The following KIAA0825 variants were observed in gnomAD, a reference collection of about 807,000 sequenced individuals.
KIAA0825 encodes the protein uncharacterized protein KIAA0825.
Under a neutral mutation model 147.6 loss-of-function variants are expected in KIAA0825, and 119 were observed. The ratio of observed to expected loss-of-function variants is 0.81; its 90% CI spans 0.69 to 0.94. KIAA0825 has a LOEUF of 0.94. KIAA0825 is among the 40% of genes least tolerant of loss of function. The pLI is 0.00. For missense variants in KIAA0825, 1,381 were observed against 1,472.7 expected, an observed-to-expected ratio of 0.94 and a Z score of 1.02; for synonymous variants, 470 against 518.1, an observed-to-expected ratio of 0.91 and a Z score of 1.26.
chr5:94,240,472 G>A (rs1233902919), intron 20 of KIAA0825, among the ~76,000 whole-genome samples: 1 of 152,152 alleles, frequency 6.6e-6, no homozygotes, highest in Admixed American at 6.6e-5. Context: ...AAATGTCTGG[G>A]CTGACTTAGT....
chr5:94,359,326 T>A (rs1744736727), intron 20 of KIAA0825, among the ~76,000 whole-genome samples: 1 of 152,240 alleles, frequency 6.6e-6, no homozygotes, highest in Non-Finnish European at 1.5e-5. Flanking sequence ...GTTTATATAA[T>A]AATCCTCATG....
chr5:94,594,627 C>A, intron 1 of KIAA0825: 1 of 650,556 alleles, frequency 1.5e-6, no homozygotes, highest in Non-Finnish European at 2.9e-6. Context: ...TAGAAATATC[C>A]TTCACATAAA....
intron 20 of KIAA0825, among the ~76,000 whole-genome samples, chr5:94,254,844 G>A (rs968735079): frequency 1.4e-4 from 22 of 151,960 alleles, no homozygotes; most frequent in African/African-American, 4.6e-4. Context: ...ACAGTCTGAA[G>A]ACACAGTAAT....
chr5:94,245,857 G>A (rs1775581314), intron 20 of KIAA0825, among the ~76,000 whole-genome samples: 1 of 152,068 alleles, frequency 6.6e-6, no homozygotes, highest in Non-Finnish European at 1.5e-5. Context: ...CGAGGAGGCA[G>A]GAGATACTTT....
chr5:94,287,707 A>G (rs1463627822), intron 20 of KIAA0825, among the ~76,000 whole-genome samples: 3 of 152,188 alleles, frequency 2.0e-5, no homozygotes, highest in Non-Finnish European at 2.9e-5. Flanking sequence ...TAATAAATGA[A>G]CTTGTGAAAT....
chr5:94,220,712 T>G (rs761002260), intron 20 of KIAA0825, among the ~76,000 whole-genome samples: 24 of 152,298 alleles, frequency 1.6e-4, no homozygotes, highest in South Asian at 4.1e-4. Flanking sequence ...AATGACTATA[T>G]AGAGACAATT....
chr5:94,608,981 T>C (rs1191950698), intron 1 of KIAA0825, among the ~76,000 whole-genome samples: 2 of 152,166 alleles, frequency 1.3e-5, no homozygotes, highest in Admixed American at 1.3e-4. Flanking sequence ...TATGTATTTG[T>C]AAAAGATTTA....
chr5:94,543,140 C>T (rs904616339), intron 2 of KIAA0825, among the ~76,000 whole-genome samples: 3 of 152,174 alleles, frequency 2.0e-5, no homozygotes, highest in Non-Finnish European at 4.4e-5. Flanking sequence ...CATGACTTGG[C>T]TTGGCTTTAA....
At chr5:94,553,752 A>G (rs1776006238) in intron 2 of KIAA0825, among the ~76,000 whole-genome samples, 1 of 151,624 alleles carries the variant, frequency 6.6e-6, no homozygotes, top group Non-Finnish European at 1.5e-5. Flanking sequence ...AGCAACAAGA[A>G]GGAGACTGTT....
At chr5:94,191,036 C>T (rs1433768073) in intron 20 of KIAA0825, among the ~76,000 whole-genome samples, 2 of 152,036 alleles carry the variant, frequency 1.3e-5, no homozygotes, top group African/African-American at 4.8e-5. Context: ...TGAAAGTACT[C>T]ATTTTTGCTT....
At chr5:94,582,253 C>T (rs1291087582) in intron 2 of KIAA0825, among the ~76,000 whole-genome samples, 180 bp downstream of exon 2, 4 of 152,124 alleles carry the variant, frequency 2.6e-5, no homozygotes, top group African/African-American at 7.2e-5. Context: ...ATTGTGCTTT[C>T]CCTAACATTG....
At chr5:94,512,056 A>C (rs1045261905) in intron 5 of KIAA0825, among the ~76,000 whole-genome samples, 5 of 152,070 alleles carry the variant, frequency 3.3e-5, no homozygotes, top group Non-Finnish European at 7.4e-5. Flanking sequence ...GATGGTAGAA[A>C]ATTTTCATAC....
chr5:94,426,195 C>T (rs1754859167), intron 14 of KIAA0825, among the ~76,000 whole-genome samples: 1 of 151,784 alleles, frequency 6.6e-6, no homozygotes, highest in Non-Finnish European at 1.5e-5. Flanking sequence ...AATCAGCAAT[C>T]CCACTACTAG....
At chr5:94,460,639 A>T (rs1389691889) in intron 12 of KIAA0825, among the ~76,000 whole-genome samples, 1 of 152,094 alleles carries the variant, frequency 6.6e-6, no homozygotes, top group African/African-American at 2.4e-5. Flanking sequence ...AATTTTTTTA[A>T]TATGCTAATA....
intron 3 of KIAA0825, among the ~76,000 whole-genome samples, chr5:94,532,434 C>A (rs1282322952): frequency 6.6e-6 from 1 of 152,090 alleles, no homozygotes; most frequent in Non-Finnish European, 1.5e-5. Flanking sequence ...CGATTATAGG[C>A]ATGAGCCCCC....
rs137940725 is a variant in KIAA0825 at position 94,513,184 on chromosome 5, A to T, written c.970+7064T>A. On this transcript the variant is annotated intron_variant, in intron 5 of 20. Transcript: ENST00000682413. ...ATTTTCATTTGGATCTTAAAATGTT[A>T]CTTATATTTTTAAATAGATAATTTA... is the stretch of plus-strand genomic sequence containing the variant. Among the ~76,000 whole-genome samples, 796 of 152,234 alleles carry T rather than the reference A, an allele frequency of 5.2e-3. 4 individuals are homozygous for T. Among genetic ancestry groups the T allele is most frequent in the African/African-American group, 0.018 (767 of 41,568 alleles).
At position 94,473,531 on chromosome 5, in the gene KIAA0825, A is replaced by G; in HGVS notation, c.1228-12T>C. 6.7e-7 allele frequency: 1 copy of G among 1,485,292 alleles called. No individual in the cohort carries two copies. Among genetic ancestry groups the G allele is most frequent in the South Asian group, 1.2e-5 (1 of 82,726 alleles). The allele number at this position is 1,485,292 out of a possible 1,614,324, so 92.0% of individuals were successfully genotyped here. ...TCTAGTAAGGTAGCCTGAAATATCA[A>G]TGTATATGAAGTCATGTTAATCTTA... On this transcript the variant is annotated splice_polypyrimidine_tract_variant and intron_variant, in intron 7 of 20. Transcript: ENST00000682413.
At chr5:94,566,134 T>C (rs146384783) in intron 2 of KIAA0825, among the ~76,000 whole-genome samples, 23 of 152,316 alleles carry the variant, frequency 1.5e-4, no homozygotes, top group African/African-American at 5.1e-4. Flanking sequence ...TAGTATTCCA[T>C]TGTGTATATA....
chr5:94,176,341 T>C (rs2149963238), intron 20 of KIAA0825, among the ~76,000 whole-genome samples: 1 of 152,286 alleles, frequency 6.6e-6, no homozygotes, highest in East Asian at 1.9e-4. Flanking sequence ...CCTCACTGGA[T>C]GTAGCTGCCC....
Sources: allele counts gnomAD v4.1 joint callset (sites outside exome capture counted in the v4.1 genomes callset), GRCh38; gene constraint gnomAD v4.1.1; transcripts MANE v1.5; gene names NCBI Gene and HGNC (gene_info 2026-07-23, HGNC 2026-07-21).